The following NBEA variants were observed in gnomAD, a reference collection of about 807,000 sequenced individuals.
NBEA encodes lysosomal-trafficking regulator 2.
NBEA carries 44 observed loss-of-function variants against 343.4 expected under a neutral mutation model. That is an observed-to-expected ratio of 0.13 (90% CI 0.10 to 0.16). NBEA has a LOEUF of 0.16. Ranked by LOEUF, NBEA falls within the 10% of genes least tolerant of loss-of-function variation. The pLI is 1.00. For synonymous variants in NBEA, 1,175 were observed against 1,238.7 expected, an observed-to-expected ratio of 0.95 and a Z score of 1.08; for missense variants, 2,555 against 3,631.3, an observed-to-expected ratio of 0.70 and a Z score of 7.62.
At chr13:35,349,466 A>G (rs2040059732) in intron 37 of NBEA, among the ~76,000 whole-genome samples, 1 of 152,100 alleles carries the variant, frequency 6.6e-6, no homozygotes, top group Non-Finnish European at 1.5e-5. Context: ...ATTCTAACCT[A>G]CTCAAGAGTA....
intron 43 of NBEA, among the ~76,000 whole-genome samples, chr13:35,552,917 G>A (rs375163527): frequency 9.2e-5 from 14 of 151,580 alleles, no homozygotes; most frequent in East Asian, 1.9e-4. Flanking sequence ...TTGAGACAAG[G>A]TCTCACTCTG....
Position 35,573,748 on chromosome 13 carries a change from AC to A in NBEA, c.7035+6732del, listed in dbSNP as rs2080567851. On this transcript the variant is annotated intron_variant, in intron 45 of 58. Transcript: ENST00000379939. ...AGAAGAAACTGAAAACAGCAGGAAC[AC>A]TGTTTAGTGTATGCTCTTAGAAGAA... 3.3e-5 allele frequency among the ~76,000 whole-genome samples: 5 copies of A among 152,302 alleles called. No homozygotes were observed. The South Asian group carries it at 1.0e-3, about 32-fold the overall frequency.
At chr13:35,276,438 T>A (rs2152807876) in intron 34 of NBEA, among the ~76,000 whole-genome samples, 1 of 152,264 alleles carries the variant, frequency 6.6e-6, no homozygotes, top group East Asian at 1.9e-4. Flanking sequence ...TAAATTTATG[T>A]CATTGAATAA....
In NBEA at chr13:35,632,020, C is replaced by T. The variant is rs1036140024; in HGVS notation, c.7617+3772C>T. Among the ~76,000 whole-genome samples, 3 of 152,114 alleles carry T rather than the reference C, an allele frequency of 2.0e-5. 1 individual carries two copies. The highest frequency in any genetic ancestry group is 2.0e-4 in the Admixed American group (3 of 15,264). On this transcript the variant is annotated intron_variant, in intron 49 of 58. Coordinates refer to ENST00000379939, the MANE Select transcript of NBEA (RefSeq NM_001385012.1). Reference sequence around the variant, plus strand: ...TACAAAGCTCTTCTTAATATGTAAACACTAGATCTGTTGGATAGTAGATAT... The same window carrying T: ...TACAAAGCTCTTCTTAATATGTAAATACTAGATCTGTTGGATAGTAGATAT...
At chr13:34,980,219 A>C (rs1047945664) in intron 1 of NBEA, among the ~76,000 whole-genome samples, 1 of 151,784 alleles carries the variant, frequency 6.6e-6, no homozygotes, top group Non-Finnish European at 1.5e-5. Context: ...TATTTATATA[A>C]ATATTTTATA....
chr13:35,571,813 C>A (rs1290387297), intron 45 of NBEA, among the ~76,000 whole-genome samples: 1 of 152,054 alleles, frequency 6.6e-6, no homozygotes, highest in Non-Finnish European at 1.5e-5. Flanking sequence ...AAAACTGTAA[C>A]ATCAAAACAC....
chr13:35,542,589 G>A (rs2078883328), intron 41 of NBEA, among the ~76,000 whole-genome samples: 1 of 151,954 alleles, frequency 6.6e-6, no homozygotes, highest in African/African-American at 2.4e-5. Flanking sequence ...TATTGTGTAG[G>A]AGTGGTCTAT....
chr13:35,526,995 G>T (rs936101942), intron 41 of NBEA, among the ~76,000 whole-genome samples: 1 of 151,952 alleles, frequency 6.6e-6, no homozygotes, highest in Non-Finnish European at 1.5e-5. Flanking sequence ...CCTAGGTCTG[G>T]GCTCCCTGAA....
chr13:35,048,417 T>C, intron 4 of NBEA, 146 bp from the exon 5 acceptor site: 2 of 691,060 alleles, frequency 2.9e-6, no homozygotes, highest in Non-Finnish European at 4.7e-6. Flanking sequence ...TTTAATAAAA[T>C]ACTAGCTCTT....
chr13:35,061,292 C>A (rs1270244109), intron 8 of NBEA, among the ~76,000 whole-genome samples: 2 of 151,532 alleles, frequency 1.3e-5, no homozygotes, highest in African/African-American at 4.8e-5. Context: ...CACTTATTAA[C>A]TAAATCATTC....
intron 36 of NBEA, among the ~76,000 whole-genome samples, chr13:35,344,268 GAAGAT>G (rs2039749549): frequency 6.6e-6 from 1 of 151,926 alleles, no homozygotes; most frequent in Admixed American, 6.6e-5. Context: ...AATGAAACAT[GAAGAT>G]AAATCTATTT....
At chr13:35,074,713 G>C (rs2064035124) in intron 10 of NBEA, among the ~76,000 whole-genome samples, 1 of 151,992 alleles carries the variant, frequency 6.6e-6, no homozygotes, top group East Asian at 1.9e-4. Context: ...GTATGTTTAA[G>C]GTATACAACA....
chr13:35,401,822 T>C (rs2043015222), intron 38 of NBEA, among the ~76,000 whole-genome samples: 1 of 152,046 alleles, frequency 6.6e-6, no homozygotes, highest in Non-Finnish European at 1.5e-5. Flanking sequence ...CAATGGATTA[T>C]GGATTAGTGA....
rs749857902 is a variant in NBEA, at chr13:34,943,054, T to G, written c.234T>G (p.Ile78Met). 4 of 1,613,508 alleles carry G rather than the reference T, an allele frequency of 2.5e-6. No individual in the cohort carries two copies. The Admixed American group carries it at 5.0e-5, about 20-fold the overall frequency. ...TCCGGATGAAATTCGCAGTGTTGAT[T>G]GGACTCATACAGGTCGGAGAGGTCA... is the stretch of plus-strand genomic sequence containing the variant. ...RNIRMKFAVL[I>M]GLIQVGEVSN... The change falls in exon 1 of 59, where the codon ATT (isoleucine) becomes ATG (methionine). Residue 78 changes from isoleucine (I) to methionine (M), a missense_variant. This residue lies in a region of NBEA where 185 missense variants were observed against 290.6 expected (regional missense o/e 0.64). Coordinates refer to ENST00000379939, the MANE Select transcript of NBEA (RefSeq NM_001385012.1).
chr13:35,231,360 A>G (rs186288880), intron 33 of NBEA, among the ~76,000 whole-genome samples: 1 of 152,260 alleles, frequency 6.6e-6, no homozygotes, highest in Non-Finnish European at 1.5e-5. Flanking sequence ...ATATATTGCA[A>G]ATTATTTTAT....
intron 1 of NBEA, among the ~76,000 whole-genome samples, chr13:34,979,521 A>G (rs990210671): frequency 6.6e-6 from 1 of 152,120 alleles, no homozygotes; most frequent in African/African-American, 2.4e-5. Flanking sequence ...CTCTGTCTCA[A>G]AGAAAAAAAA....
chr13:35,089,916 G>T (rs1239179095), intron 10 of NBEA, among the ~76,000 whole-genome samples: 1 of 91,032 alleles, frequency 1.1e-5, no homozygotes, highest in Non-Finnish European at 2.2e-5. Context: ...GTTGTGGGGT[G>T]GGGGGAGGGG....
At chr13:34,964,665 C>G (rs1372033070) in intron 1 of NBEA, among the ~76,000 whole-genome samples, 4 of 151,964 alleles carry the variant, frequency 2.6e-5, no homozygotes, top group Admixed American at 2.0e-4. Flanking sequence ...TTGGACTGTT[C>G]TGAAGAGAAT....
chr13:35,136,502 C>G (rs193102681), intron 17 of NBEA, among the ~76,000 whole-genome samples: 14 of 152,184 alleles, frequency 9.2e-5, no homozygotes, highest in Non-Finnish European at 8.8e-5. Flanking sequence ...AAAAGCACAC[C>G]ATCTTCTAGG....
Sources: allele counts gnomAD v4.1 joint callset (sites outside exome capture counted in the v4.1 genomes callset), GRCh38; gene constraint gnomAD v4.1.1; regional missense constraint gnomAD v4.1.1; transcripts MANE v1.5; gene names NCBI Gene and HGNC (gene_info 2026-07-23, HGNC 2026-07-21).